Variants in BSN observed in about 807,000 individuals in gnomAD.
BSN encodes protein bassoon.
Under a neutral mutation model 264.8 loss-of-function variants are expected in BSN, and 57 were observed. The ratio of observed to expected loss-of-function variants is 0.22; its 90% CI spans 0.17 to 0.27. The LOEUF (loss-of-function observed/expected upper bound fraction) is 0.27, where lower values mean the gene tolerates loss of function less well. Ranked by LOEUF, BSN falls within the 10% of genes least tolerant of loss-of-function variation. BSN has a pLI of 1.00. For synonymous variants in BSN, 2,059 were observed against 2,137.3 expected, an observed-to-expected ratio of 0.96 and a Z score of 1.01; for missense variants, 4,615 against 5,232.5, an observed-to-expected ratio of 0.88 and a Z score of 3.64.
At position 49,663,898 on chromosome 3, in the gene BSN, C is replaced by T; in HGVS notation, c.11608+12C>T. 6.2e-7 allele frequency: 1 copy of T among 1,612,518 alleles called. No individual in the cohort carries two copies. Among genetic ancestry groups the T allele is most frequent in the Admixed American group, 1.7e-5 (1 of 59,992 alleles). On this transcript the variant is annotated intron_variant, in intron 8 of 11. Coordinates refer to ENST00000296452, the MANE Select transcript of BSN (RefSeq NM_003458.4). Reference sequence around the variant, plus strand: ...ACCTGGACCTGCAGGTGAGCCTATCCTTTGACACCCTTGGCTGTGGCCCAG... The same window carrying T: ...ACCTGGACCTGCAGGTGAGCCTATCTTTTGACACCCTTGGCTGTGGCCCAG...
At position 49,653,507 on chromosome 3, in the gene BSN, C is replaced by T. The variant is rs376677158; in HGVS notation, c.3951C>T (p.Leu1317=). ...CCCCTGGTACCAGTCCCACCCAGCT[C>T]GCTGCCCCTGTGTCCTTCTCTACCC... ...PLTPGTSPTQ[L]AAPVSFSTPT... Residue 1317 remains leucine, a synonymous_variant, in exon 5 of 12, where the codon CTC becomes CTT. Coordinates refer to ENST00000296452, the MANE Select transcript of BSN (RefSeq NM_003458.4). This position sits in a 1 kb window ranked among gnomAD's most constrained non-coding sequence, Gnocchi z 6.3. The T allele has an allele frequency of 1.6e-5, 26 of 1,613,768 alleles. No homozygotes were observed. The Middle Eastern group carries it at 6.6e-4, about 41-fold the overall frequency.
chr3:49,646,274 G>GA (rs2052503326), intron 3 of BSN, among the ~76,000 whole-genome samples: 1 of 152,134 alleles, frequency 6.6e-6, no homozygotes, highest in South Asian at 2.1e-4. Flanking sequence ...CTTTTGGAAG[G>GA]ATAATAGTAC....
At chr3:49,672,760 C>T (rs1464027091), downstream of BSN, among the ~76,000 whole-genome samples, 2 of 150,182 alleles carry the variant, frequency 1.3e-5, no homozygotes, top group Admixed American at 6.7e-5. Flanking sequence ...GGATTATAGG[C>T]GTGAGCCACC....
chr3:49,642,184 G>C lies in BSN; in HGVS notation c.634-84G>C, dbSNP rs1226767176. 3.5e-6 allele frequency: 4 copies of C among 1,144,342 alleles called. No individual in the cohort carries two copies. Among genetic ancestry groups the C allele is most frequent in the Non-Finnish European group, 4.7e-6 (4 of 846,296 alleles). The allele number at this position is 1,144,342 out of a possible 1,614,324, so 70.9% of individuals were successfully genotyped here. On this transcript the variant is annotated intron_variant, in intron 2 of 11. Coordinates refer to ENST00000296452, the MANE Select transcript of BSN (RefSeq NM_003458.4). The surrounding 1 kb of genome is among the most constrained non-coding windows in gnomAD (Gnocchi z 7.0). ...TCCTGCCTGTGCTAGGAGTGGCCTT[G>C]GCTGCTGTGGGGCCTGCACTGACCT...
chr3:49,615,770 G>A (rs2052255362), intron 1 of BSN, among the ~76,000 whole-genome samples: 1 of 152,176 alleles, frequency 6.6e-6, no homozygotes, highest in Non-Finnish European at 1.5e-5. Flanking sequence ...AGCCCTTGAT[G>A]GCTGGGGGCC....
At chr3:49,593,123 A>C (rs1050902619) in intron 1 of BSN, among the ~76,000 whole-genome samples, 1 of 152,216 alleles carries the variant, frequency 6.6e-6, no homozygotes, top group Non-Finnish European at 1.5e-5. Context: ...ATGTTATTTC[A>C]AACATGTAGT....
chr3:49,574,329 G>A (rs2051824025), intron 1 of BSN, among the ~76,000 whole-genome samples: 1 of 152,084 alleles, frequency 6.6e-6, no homozygotes, highest in South Asian at 2.1e-4. Flanking sequence ...TTTCCCAGGA[G>A]TCATCAGGAC....
downstream of BSN, among the ~76,000 whole-genome samples, chr3:49,671,952 G>C (rs1204321657): frequency 2.0e-5 from 3 of 151,740 alleles, no homozygotes; most frequent in Non-Finnish European, 4.4e-5. The surrounding 1 kb of genome is among the most constrained non-coding windows in gnomAD (Gnocchi z 4.1). Flanking sequence ...AACTCTCACC[G>C]GCTGCCAGAC....
intron 1 of BSN, among the ~76,000 whole-genome samples, chr3:49,595,110 C>T (rs1223268796): frequency 1.3e-5 from 2 of 151,930 alleles, no homozygotes; most frequent in Non-Finnish European, 2.9e-5. Flanking sequence ...AGGATGGTCT[C>T]GATCTCCTGA....
rs150163502 is a variant in BSN at position 49,583,542 on chromosome 3, C to T, written c.224+28716C>T. ...GGAGGATCACTTGAACTCAGGAGTTCGAGGCTGCAGTGAGCTATGATTGTG... is the reference window on the plus strand; with the variant it reads ...GGAGGATCACTTGAACTCAGGAGTTTGAGGCTGCAGTGAGCTATGATTGTG... On this transcript the variant is annotated intron_variant, in intron 1 of 11. Transcript: ENST00000296452. 1.6e-3 allele frequency among the ~76,000 whole-genome samples: 251 copies of T among 152,148 alleles called. 1 individual carries two copies. The highest frequency in any genetic ancestry group is 5.9e-3 in the African/African-American group (245 of 41,508).
At chr3:49,606,225 T>TAAAATATATATAATATATATTAAAA (rs1449538249) in intron 1 of BSN, among the ~76,000 whole-genome samples, 1 of 51,230 alleles carries the variant, frequency 2.0e-5, no homozygotes, top group Non-Finnish European at 3.4e-5. Context: ...ATATTATATA[T>TAAAATATATATAATATATATTAAAA]ACATATATTA....
intron 1 of BSN, among the ~76,000 whole-genome samples, chr3:49,558,635 C>T (rs2051691700): frequency 2.0e-5 from 3 of 152,176 alleles, no homozygotes; most frequent in Non-Finnish European, 4.4e-5. Context: ...GACATAATTG[C>T]CAGGTCTGGA....
At chr3:49,592,925 G>A (rs991434810) in intron 1 of BSN, among the ~76,000 whole-genome samples, 3 of 152,106 alleles carry the variant, frequency 2.0e-5, no homozygotes, top group Non-Finnish European at 2.9e-5. Flanking sequence ...GTGTGCTTAA[G>A]TTGTATACAA....
At position 49,653,046 on chromosome 3, in the gene BSN, C is replaced by T. The variant is rs761320434; in HGVS notation, c.3490C>T (p.Pro1164Ser). 1.2e-5 allele frequency: 19 copies of T among 1,613,482 alleles called. No individual in the cohort carries two copies. The highest frequency in any genetic ancestry group is 5.0e-5 in the Admixed American group (3 of 60,002). Residue 1164 changes from proline (P) to serine (S), a missense_variant, in exon 5 of 12, where the codon CCA becomes TCA. By Grantham distance (74) the Pro-to-Ser change is moderately conservative (BLOSUM62 -1). This residue lies in a region of BSN where 3,415 missense variants were observed against 3,866.4 expected (regional missense o/e 0.88). Coordinates refer to ENST00000296452, the MANE Select transcript of BSN (RefSeq NM_003458.4). The surrounding 1 kb of genome is among the most constrained non-coding windows in gnomAD (Gnocchi z 6.3). ...NLPTFMSLYSPTETPSGSSTT... is the reference protein window; with the variant it reads ...NLPTFMSLYSSTETPSGSSTT... ...GCCCACCTTCATGTCCCTCTACTCA[C>T]CAACCGAGACACCCTCCGGCAGCTC... is the stretch of plus-strand genomic sequence containing the variant.
intron 1 of BSN, among the ~76,000 whole-genome samples, chr3:49,595,413 T>TCCTGACCTCAGGTGATCCACCCGC (rs1367868311): frequency 1.3e-5 from 2 of 151,426 alleles, no homozygotes; most frequent in Admixed American, 1.3e-4. Context: ...GGTCTTGAAC[T>TCCTGACCTCAGGTGATCCACCCGC]CCTGACCTCA....
chr3:49,636,231 G>A (rs1179586907), intron 2 of BSN, among the ~76,000 whole-genome samples: 1 of 152,196 alleles, frequency 6.6e-6, no homozygotes, highest in Non-Finnish European at 1.5e-5. Flanking sequence ...GAGGGCCAAG[G>A]ACTTGCAGGC....
Position 49,619,132 on chromosome 3 carries a change from G to A in BSN, c.225-5843G>A, listed in dbSNP as rs540929599. Among the ~76,000 whole-genome samples the A allele has an allele frequency of 4.1e-4, 63 of 152,244 alleles. 1 individual carries two copies. The South Asian group carries it at 0.012, about 30-fold the overall frequency. ...GAATGAATAAATATCTATTGTTGGA[G>A]TCATTTTCTCTCTGAGTCTCCCAGC... On this transcript the variant is annotated intron_variant, in intron 1 of 11. Transcript: ENST00000296452.
chr3:49,554,815 T>C lies in BSN; in HGVS notation c.213T>C (p.Pro71=). 5 of 1,101,956 alleles carry C rather than the reference T, an allele frequency of 4.5e-6. No homozygotes were observed. Among genetic ancestry groups the C allele is most frequent in the Non-Finnish European group, 4.4e-6 (4 of 905,334 alleles). 68.3% of individuals were successfully genotyped at this position (1,101,956 alleles called of 1,614,324 possible). A position where few individuals can be genotyped will look rare whatever the true frequency, so the allele number is the denominator to read the frequency against. Residue 71 remains proline (P), a synonymous_variant, in exon 1 of 12, where the codon CCT becomes CCC. Coordinates refer to ENST00000296452, the MANE Select transcript of BSN (RefSeq NM_003458.4). ...PGPGPGPGPG[P]GPGSTSRRLD... ...CCGGCCCCGGCCCCGGTCCCGGCCCTGGCCCGGGCAGGTAAGCGCGTGTCT... is the reference window on the plus strand; with the variant it reads ...CCGGCCCCGGCCCCGGTCCCGGCCCCGGCCCGGGCAGGTAAGCGCGTGTCT...
chr3:49,562,354 C>T (rs1420587537), intron 1 of BSN, among the ~76,000 whole-genome samples: 7 of 152,174 alleles, frequency 4.6e-5, no homozygotes, highest in Admixed American at 3.3e-4. Context: ...AAAGAAGGAG[C>T]ATAAAATAGG....
Sources: allele counts gnomAD v4.1 joint callset (sites outside exome capture counted in the v4.1 genomes callset), GRCh38; gene constraint gnomAD v4.1.1; regional missense constraint gnomAD v4.1.1; non-coding constraint Gnocchi (gnomAD v3.1); transcripts MANE v1.5; gene names NCBI Gene and HGNC (gene_info 2026-07-23, HGNC 2026-07-21).